MIPEP: variants seen among roughly 807,000 people sequenced by gnomAD.
MIPEP encodes the protein mitochondrial intermediate peptidase.
Under a neutral mutation model 90.3 loss-of-function variants are expected in MIPEP, and 79 were observed. That is an observed-to-expected ratio of 0.87 (90% CI 0.73 to 1.05). The LOEUF (loss-of-function observed/expected upper bound fraction) is 1.05, where lower values mean the gene tolerates loss of function less well. MIPEP is among the 50% of genes least tolerant of loss of function. The pLI is 0.00. For synonymous variants in MIPEP, 334 were observed against 315.8 expected (o/e 1.06, Z -0.61); for missense variants, 940 against 905.6 (o/e 1.04, Z -0.49).
At position 23,800,477 on chromosome 13, in the gene MIPEP, G is replaced by A. The variant is rs529819060; in HGVS notation, c.1848+5473C>T. Among the ~76,000 whole-genome samples, 44 of 152,302 alleles carry A rather than the reference G, an allele frequency of 2.9e-4. 1 individual carries two copies. In the South Asian group the frequency reaches 8.1e-3, roughly 28 times the overall value. On this transcript the variant is annotated intron_variant, in intron 16 of 18. Transcript: ENST00000382172. Reference sequence around the variant, plus strand: ...AAGAGAAGTGGTAACAGCAGAAGGTGAGCCTGTTGGTATATGTTGTACTAT... The same window carrying A: ...AAGAGAAGTGGTAACAGCAGAAGGTAAGCCTGTTGGTATATGTTGTACTAT...
At chr13:23,777,504 A>T (rs1284831143) in intron 16 of MIPEP, among the ~76,000 whole-genome samples, 1 of 152,232 alleles carries the variant, frequency 6.6e-6, no homozygotes, top group Non-Finnish European at 1.5e-5. Context: ...GTGTTACAGT[A>T]TTGTACCACA....
chr13:23,832,542 G>A (rs1434332485), intron 14 of MIPEP, among the ~76,000 whole-genome samples: 1 of 152,146 alleles, frequency 6.6e-6, no homozygotes, highest in Admixed American at 6.5e-5. Flanking sequence ...CAAGAATCAT[G>A]CTTCCAGGAG....
At chr13:23,878,114 A>G (rs1043605009) in intron 4 of MIPEP, among the ~76,000 whole-genome samples, 1 of 152,234 alleles carries the variant, frequency 6.6e-6, no homozygotes, top group African/African-American at 2.4e-5. Context: ...GATTATGAAT[A>G]ACCTTCTATT....
At chr13:23,825,807 T>C (rs547329865) in intron 14 of MIPEP, among the ~76,000 whole-genome samples, 54 of 152,242 alleles carry the variant, frequency 3.5e-4, no homozygotes, top group African/African-American at 1.1e-3. Flanking sequence ...AGTTAGTCCA[T>C]ACAGTGTGGA....
chr13:23,847,267 C>A (rs1033804572), intron 10 of MIPEP, among the ~76,000 whole-genome samples: 3 of 152,146 alleles, frequency 2.0e-5, no homozygotes, highest in Non-Finnish European at 4.4e-5. Flanking sequence ...TACATCCCTG[C>A]ATTGACTCCT....
intron 10 of MIPEP, among the ~76,000 whole-genome samples, chr13:23,849,119 C>A (rs1401965151): frequency 6.6e-6 from 1 of 152,258 alleles, no homozygotes; most frequent in East Asian, 1.9e-4. Flanking sequence ...GTGGCTCCGC[C>A]TGCCTCCACA....
chr13:23,841,195 AT>A (rs954727418), intron 11 of MIPEP, 139 bp downstream of exon 11: 34 of 689,192 alleles, frequency 4.9e-5, no homozygotes, highest in Middle Eastern at 8.2e-4. Context: ...TGCAATTTGG[AT>A]TTTTTTTGTG....
intron 16 of MIPEP, among the ~76,000 whole-genome samples, chr13:23,797,967 C>A (rs187967311): frequency 6.6e-6 from 1 of 152,200 alleles, no homozygotes; most frequent in East Asian, 1.9e-4. Flanking sequence ...AGCAAATACA[C>A]ATCTAAAAGG....
chr13:23,740,413 CCTTT>C (rs1311769165), intron 18 of MIPEP, among the ~76,000 whole-genome samples: 3 of 150,644 alleles, frequency 2.0e-5, no homozygotes, highest in East Asian at 1.9e-4. Flanking sequence ...GTAACTTCTT[CCTTT>C]GAGTCTGTGG....
intron 14 of MIPEP, among the ~76,000 whole-genome samples, chr13:23,811,747 T>A (rs1953173686): frequency 6.6e-6 from 1 of 152,276 alleles, no homozygotes; most frequent in South Asian, 2.1e-4. Flanking sequence ...TGCTACCCGG[T>A]CCTGAGACCC....
chr13:23,773,079 A>G (rs1952671363), intron 16 of MIPEP, among the ~76,000 whole-genome samples: 1 of 152,190 alleles, frequency 6.6e-6, no homozygotes, highest in Non-Finnish European at 1.5e-5. Context: ...CACTAACTCC[A>G]GCACATTTTC....
At chr13:23,818,875 T>C (rs1953273632) in intron 14 of MIPEP, among the ~76,000 whole-genome samples, 2 of 152,350 alleles carry the variant, frequency 1.3e-5, no homozygotes, top group Middle Eastern at 3.4e-3. Context: ...CTGTGAGTAG[T>C]GGTCTAGATC....
chr13:23,850,128 A>G (rs1171221666), intron 10 of MIPEP, among the ~76,000 whole-genome samples: 1 of 152,258 alleles, frequency 6.6e-6, no homozygotes. Context: ...GGGCGAGGAA[A>G]AAATGGACAC....
chr13:23,888,352 G>C (rs984834664), intron 1 of MIPEP, among the ~76,000 whole-genome samples: 1 of 152,088 alleles, frequency 6.6e-6, no homozygotes, highest in African/African-American at 2.4e-5. Flanking sequence ...CAATACCCTA[G>C]ACTTGTCTTT....
At chr13:23,767,894 A>G (rs1448062014) in intron 16 of MIPEP, among the ~76,000 whole-genome samples, 1 of 152,010 alleles carries the variant, frequency 6.6e-6, no homozygotes, top group African/African-American at 2.4e-5. Context: ...TTTTCCTTTT[A>G]GAAACAGAAT....
intron 10 of MIPEP, among the ~76,000 whole-genome samples, chr13:23,854,225 C>A (rs1869949504): frequency 7.3e-6 from 1 of 136,250 alleles, no homozygotes; most frequent in Non-Finnish European, 1.5e-5. Context: ...TCTGGGAGAT[C>A]AATATGCAGA....
At chr13:23,832,705 A>C (rs1052658684) in intron 14 of MIPEP, among the ~76,000 whole-genome samples, 1 of 152,184 alleles carries the variant, frequency 6.6e-6, no homozygotes, top group South Asian at 2.1e-4. Context: ...AAATTGAAGG[A>C]GATTTATGGG....
At chr13:23,857,330 G>C (rs761650631) in intron 10 of MIPEP, among the ~76,000 whole-genome samples, 1 of 152,178 alleles carries the variant, frequency 6.6e-6, no homozygotes, top group Non-Finnish European at 1.5e-5. Context: ...AAAGACTGAT[G>C]CTGAATTTGA....
chr13:23,848,878 G>A (rs1299984676), intron 10 of MIPEP, among the ~76,000 whole-genome samples: 2 of 152,196 alleles, frequency 1.3e-5, no homozygotes, highest in East Asian at 1.9e-4. Context: ...AAAGCCAGAA[G>A]GAGAGAGGTC....
Sources: gnomAD v4.1 joint callset for allele counts (sites outside exome capture counted in the v4.1 genomes callset) on GRCh38, gnomAD v4.1.1 for gene constraint, MANE v1.5 for transcripts, NCBI Gene and HGNC (gene_info 2026-07-23, HGNC 2026-07-21) for gene names.